The following PYGB variants were observed in gnomAD, a reference collection of about 807,000 sequenced individuals.
The protein encoded by PYGB is glycogen phosphorylase B.
Under a neutral mutation model 94.3 loss-of-function variants are expected in PYGB, and 82 were observed. That is an observed-to-expected ratio of 0.87 (90% CI 0.73 to 1.04). The LOEUF (loss-of-function observed/expected upper bound fraction) is 1.04, where lower values mean the gene tolerates loss of function less well. Among genes scored for constraint, PYGB ranks in the 50% least tolerant of loss-of-function variants. PYGB has a pLI of 0.00. For missense variants in PYGB, 1,132 were observed against 1,158.2 expected (o/e 0.98, Z 0.33); for synonymous variants, 488 against 479.1 (o/e 1.02, Z -0.24).
intron 14 of PYGB, among the ~76,000 whole-genome samples, chr20:25,287,271 C>T (rs1474486710): frequency 6.6e-5 from 10 of 152,254 alleles, no homozygotes; most frequent in Admixed American, 3.9e-4. Flanking sequence ...TCTCACCCAG[C>T]GCCCCTGCAG....
Position 25,283,198 on chromosome 20 carries a change from C to T in PYGB, c.1541C>T (p.Thr514Ile), listed in dbSNP as rs79534510. The T allele has an allele frequency of 6.2e-7, 1 of 1,613,672 alleles. No homozygotes were observed. Among genetic ancestry groups the T allele is most frequent in the Non-Finnish European group, 8.5e-7 (1 of 1,179,804 alleles). ...CAGAAAATTGGGGAGGAGTTCCTGA[C>T]TGACCTGAGCCAGCTGAAGAAGCTG... ...IVEKIGEEFL[T>I]DLSQLKKLLP... The change falls in exon 13 of 20, where the codon ACT (threonine) becomes ATT (isoleucine). Residue 514 changes from threonine (T) to isoleucine (I), a missense_variant. Physicochemically the swap from Thr to Ile is moderately conservative, Grantham distance 89 (BLOSUM62 -1). Transcript: ENST00000216962.
At chr20:25,254,426 AC>A (rs1437048165) in intron 1 of PYGB, among the ~76,000 whole-genome samples, 1 of 152,184 alleles carries the variant, frequency 6.6e-6, no homozygotes, top group Non-Finnish European at 1.5e-5. Context: ...GCAGCAAATA[AC>A]CGCAGGAGAT....
intron 1 of PYGB, among the ~76,000 whole-genome samples, chr20:25,254,507 A>G (rs1356227471): frequency 6.6e-6 from 1 of 152,232 alleles, no homozygotes; most frequent in Non-Finnish European, 1.5e-5. Flanking sequence ...AGAAGTGAAC[A>G]CAGATTTAGA....
intron 16 of PYGB, among the ~76,000 whole-genome samples, chr20:25,290,876 C>T (rs1034575038): frequency 6.6e-6 from 1 of 152,120 alleles, no homozygotes; most frequent in African/African-American, 2.4e-5. Flanking sequence ...CTTACTGCCG[C>T]GCCTGCCTGG....
intron 18 of PYGB, 33 bp downstream of exon 18, chr20:25,294,325 AGGG>A: frequency 8.2e-6 from 2 of 244,690 alleles, no homozygotes; most frequent in Non-Finnish European, 1.6e-5. Flanking sequence ...GGTGGCTGGG[AGGG>A]AGGGAGGGAG....
intron 17 of PYGB, 92 bp downstream of exon 17, chr20:25,292,705 G>A (rs899412048): frequency 3.5e-6 from 5 of 1,445,038 alleles, no homozygotes; most frequent in Admixed American, 2.0e-5. Flanking sequence ...GGCTCTTGGG[G>A]CCAGGCCACT....
intron 3 of PYGB, among the ~76,000 whole-genome samples, chr20:25,270,287 C>T (rs1279657342): frequency 8.0e-5 from 12 of 150,444 alleles, no homozygotes; most frequent in African/African-American, 2.2e-4. Flanking sequence ...CTGCAAGCTC[C>T]GCCTCCCGGT....
intron 1 of PYGB, among the ~76,000 whole-genome samples, chr20:25,255,293 A>G (rs1408020071): frequency 6.6e-6 from 1 of 152,156 alleles, no homozygotes; most frequent in Non-Finnish European, 1.5e-5. Context: ...GCCCCTCAAC[A>G]TCTCTCCTCC....
chr20:25,256,767 G>A (rs2092903599), intron 1 of PYGB, among the ~76,000 whole-genome samples: 1 of 152,212 alleles, frequency 6.6e-6, no homozygotes, highest in Non-Finnish European at 1.5e-5. Context: ...GGAGCCAGAG[G>A]GGAGTGAGTG....
chr20:25,276,459 C>G (rs2088311481), intron 5 of PYGB, among the ~76,000 whole-genome samples, 187 bp from the exon 6 acceptor site: 1 of 151,678 alleles, frequency 6.6e-6, no homozygotes, highest in Non-Finnish European at 1.5e-5. Context: ...GTGGGCACCA[C>G]AGGGGAGGGC....
In PYGB at chr20:25,292,403, C is replaced by T. The variant is rs200430910; in HGVS notation, c.1970-3C>T. The T allele has an allele frequency of 3.6e-5, 58 of 1,612,670 alleles. No homozygotes were observed. Among genetic ancestry groups the T allele is most frequent in the Non-Finnish European group, 4.8e-5 (57 of 1,179,922 alleles). On this transcript the variant is annotated splice_region_variant and splice_polypyrimidine_tract_variant and intron_variant, in intron 16 of 19. Transcript: ENST00000216962. ...GATCCCCTCCACGGGCTCCCCTCCA[C>T]AGTGATCCCGGCCGCTGATCTGTCG...
chr20:25,269,248 G>C, intron 3 of PYGB, 41 bp downstream of exon 3: 1 of 1,501,384 alleles, frequency 6.7e-7, no homozygotes, highest in Non-Finnish European at 9.2e-7. Flanking sequence ...CGGACCCGTT[G>C]GCTTGGTTGG....
chr20:25,290,570 C>G lies in PYGB; in HGVS notation c.1917C>G (p.Asp639Glu). Residue 639 changes from aspartate to glutamate, a missense_variant, in exon 16 of 20, where the codon GAC (aspartate) becomes GAG (glutamate). By Grantham distance (45) the Asp-to-Glu change is conservative. Transcript: ENST00000216962. ...DVVNHDPVVG[D>E]RLKVIFLENY... Reference sequence around the variant, plus strand: ...TCAATCATGACCCAGTTGTGGGTGACAGGTTGAAAGTGATCTTCCTGGAGA... The same window carrying G: ...TCAATCATGACCCAGTTGTGGGTGAGAGGTTGAAAGTGATCTTCCTGGAGA... 6.2e-7 allele frequency: 1 copy of G among 1,610,914 alleles called. No individual in the cohort carries two copies. Among genetic ancestry groups the G allele is most frequent in the Non-Finnish European group, 8.5e-7 (1 of 1,177,214 alleles).
intron 4 of PYGB, among the ~76,000 whole-genome samples, chr20:25,272,686 A>G (rs902877472): frequency 6.6e-6 from 1 of 152,204 alleles, no homozygotes. Context: ...ATTTGTGGAG[A>G]TGCCCTCTGC....
chr20:25,296,646 G>A lies in PYGB; in HGVS notation c.*124G>A. The A allele has an allele frequency of 1.5e-6, 2 of 1,290,614 alleles. No individual in the cohort carries two copies. The highest frequency in any genetic ancestry group is 2.9e-5 in the South Asian group (2 of 68,126). 79.9% of individuals were successfully genotyped at this position (1,290,614 alleles called of 1,614,324 possible). A position where few individuals can be genotyped will look rare whatever the true frequency, so the allele number is the denominator to read the frequency against. ...GCTTTTCTGAGTACCATGTTTCCAG[G>A]AGGGGCCATGGGGGTCAGGGTGGTT... On this transcript the variant is annotated 3_prime_UTR_variant, in exon 20 of 20. Coordinates refer to ENST00000216962, the MANE Select transcript of PYGB (RefSeq NM_002862.4).
intron 16 of PYGB, among the ~76,000 whole-genome samples, chr20:25,291,467 G>T (rs918651300): frequency 1.3e-5 from 2 of 152,182 alleles, no homozygotes; most frequent in African/African-American, 4.8e-5. Context: ...TGCAAGCTCC[G>T]TGGTGCAGGG....
intron 14 of PYGB, among the ~76,000 whole-genome samples, chr20:25,286,059 T>C (rs2088415613): frequency 6.6e-6 from 1 of 152,238 alleles, no homozygotes; most frequent in South Asian, 2.1e-4. Context: ...TGGGTGTGTG[T>C]GCAGAAGTCT....
At chr20:25,257,671 A>T (rs746330003) in intron 1 of PYGB, among the ~76,000 whole-genome samples, 2 of 152,224 alleles carry the variant, frequency 1.3e-5, no homozygotes, top group Non-Finnish European at 2.9e-5. Context: ...CTCTTAAAAA[A>T]AAATATACAT....
At chr20:25,271,235 A>T (rs1397145751) in intron 3 of PYGB, 148 bp from the exon 4 acceptor site, 1 of 679,002 alleles carries the variant, frequency 1.5e-6, no homozygotes, top group Non-Finnish European at 2.6e-6. Flanking sequence ...TCTCATGGAG[A>T]GGCTGAGGGC....
Sources: allele counts gnomAD v4.1 joint callset (sites outside exome capture counted in the v4.1 genomes callset), GRCh38; gene constraint gnomAD v4.1.1; transcripts MANE v1.5; gene names NCBI Gene and HGNC (gene_info 2026-07-23, HGNC 2026-07-21).